The following PTK2 variants were observed in gnomAD, a reference collection of about 807,000 sequenced individuals.
PTK2 encodes the protein focal adhesion kinase 1.
Under a neutral mutation model 150.1 loss-of-function variants are expected in PTK2, and 45 were observed. The observed-to-expected ratio is 0.30, with a 90% CI of 0.24 to 0.38. The LOEUF is 0.38. Among genes scored for constraint, PTK2 ranks in the 10% least tolerant of loss-of-function variants. The pLI is 1.00. For missense variants in PTK2, 919 were observed against 1,307.3 expected (o/e 0.70, Z 4.58); for synonymous variants, 432 against 449.2 (o/e 0.96, Z 0.48).
rs1451534537 is a variant in PTK2 at position 140,702,779 on chromosome 8, A to T, written c.2230-72T>A. 7.6e-5 allele frequency: 113 copies of T among 1,490,302 alleles called. No homozygotes were observed. In the South Asian group the frequency reaches 1.3e-3, roughly 17 times the overall value. The allele number at this position is 1,490,302 out of a possible 1,614,324, so 92.3% of individuals were successfully genotyped here. ...CACAGTTCTGCTTCACACACAAAGG[A>T]AACTAAAATTACAGAGAATATTGTG... On this transcript the variant is annotated intron_variant, in intron 24 of 31. Transcript: ENST00000522684.
chr8:140,910,164 A>C (rs922056465), intron 2 of PTK2, among the ~76,000 whole-genome samples: 1 of 152,220 alleles, frequency 6.6e-6, no homozygotes, highest in East Asian at 1.9e-4. Context: ...GTCAAAAAGC[A>C]GTATTAACAT....
chr8:140,745,175 C>A (rs1290253789), intron 18 of PTK2, among the ~76,000 whole-genome samples: 1 of 152,106 alleles, frequency 6.6e-6, no homozygotes, highest in African/African-American at 2.4e-5. Context: ...TGTGGCTCTG[C>A]GAAGGTATGA....
chr8:140,828,045 T>C (rs2100112910), intron 8 of PTK2, among the ~76,000 whole-genome samples: 1 of 151,790 alleles, frequency 6.6e-6, no homozygotes, highest in Admixed American at 6.6e-5. Context: ...CAGGCACCTG[T>C]AGTCCCAGCT....
intron 1 of PTK2, among the ~76,000 whole-genome samples, chr8:140,930,473 C>T (rs1325807957): frequency 6.6e-6 from 1 of 152,100 alleles, no homozygotes; most frequent in Non-Finnish European, 1.5e-5. Context: ...ACAACTGATG[C>T]TTTTTTCCTT....
chr8:140,780,291 A>G (rs1210652849), intron 14 of PTK2, among the ~76,000 whole-genome samples: 1 of 152,186 alleles, frequency 6.6e-6, no homozygotes, highest in African/African-American at 2.4e-5. Flanking sequence ...TGCTCATGGG[A>G]ACGTTCTCAT....
intron 20 of PTK2, among the ~76,000 whole-genome samples, chr8:140,741,392 T>G (rs2154438051): frequency 6.7e-6 from 1 of 148,806 alleles, no homozygotes; most frequent in Non-Finnish European, 1.5e-5. Flanking sequence ...GAGGTGGAGC[T>G]TGCAGTGAGC....
At chr8:140,801,833 T>A (rs914739050) in intron 11 of PTK2, among the ~76,000 whole-genome samples, 1 of 152,128 alleles carries the variant, frequency 6.6e-6, no homozygotes, top group Non-Finnish European at 1.5e-5. Flanking sequence ...GGTCCGCATA[T>A]ACAATGGTGG....
intron 2 of PTK2, among the ~76,000 whole-genome samples, chr8:140,916,490 A>G (rs1208971481): frequency 1.3e-5 from 2 of 152,244 alleles, no homozygotes; most frequent in Non-Finnish European, 2.9e-5. Flanking sequence ...TATTTCCTTC[A>G]GGTCTTCAAT....
chr8:140,863,172 C>G (rs1438466112), intron 5 of PTK2, among the ~76,000 whole-genome samples: 1 of 152,152 alleles, frequency 6.6e-6, no homozygotes, highest in African/African-American at 2.4e-5. Flanking sequence ...ACATAATAAG[C>G]CTTTTTCTTC....
At chr8:140,805,487 A>G (rs1368770205) in intron 10 of PTK2, among the ~76,000 whole-genome samples, 1 of 151,490 alleles carries the variant, frequency 6.6e-6, no homozygotes, top group East Asian at 1.9e-4. Flanking sequence ...TGAACCAGGG[A>G]GTCAGAGGTT....
At chr8:140,734,387 A>G (rs1261113234) in intron 22 of PTK2, among the ~76,000 whole-genome samples, 1 of 152,176 alleles carries the variant, frequency 6.6e-6, no homozygotes, top group Non-Finnish European at 1.5e-5. Context: ...ATTCAATTCA[A>G]TTCAACAAAT....
intron 2 of PTK2, among the ~76,000 whole-genome samples, chr8:140,891,067 C>T (rs1399484368): frequency 6.6e-6 from 1 of 150,698 alleles, no homozygotes; most frequent in Non-Finnish European, 1.5e-5. Flanking sequence ...ACCCCCACCC[C>T]TTTTTTAATC....
intron 3 of PTK2, among the ~76,000 whole-genome samples, chr8:140,885,555 T>C (rs1283534098): frequency 6.6e-6 from 1 of 152,046 alleles, no homozygotes; most frequent in African/African-American, 2.4e-5. Context: ...AAAACAGCAA[T>C]GGTGAGGCAT....
intron 14 of PTK2, among the ~76,000 whole-genome samples, chr8:140,780,785 T>C (rs1432899478): frequency 6.6e-6 from 1 of 152,210 alleles, no homozygotes; most frequent in Non-Finnish European, 1.5e-5. Flanking sequence ...ACAGGTGAAA[T>C]ATGCCTTCGA....
intron 8 of PTK2, among the ~76,000 whole-genome samples, chr8:140,828,635 AT>A (rs925112708): frequency 1.3e-5 from 2 of 152,186 alleles, no homozygotes; most frequent in African/African-American, 4.8e-5. Flanking sequence ...GTACTCTTCT[AT>A]CCAACAGCAA....
chr8:140,970,125 G>T (rs1024284701), intron 1 of PTK2, among the ~76,000 whole-genome samples: 1 of 152,246 alleles, frequency 6.6e-6, no homozygotes, highest in Non-Finnish European at 1.5e-5. Context: ...CAGCAGCAGA[G>T]GCTTCAATTC....
At chr8:140,856,366 AAAAACAAAACAAAAC>A (rs74275894) in intron 5 of PTK2, among the ~76,000 whole-genome samples, 5,209 of 150,766 alleles carry the variant, frequency 0.035, 302 homozygotes, top group African/African-American at 0.12. Context: ...AATAATAGTA[AAAAACAAAACAAAAC>A]AAAACAAAAC....
intron 11 of PTK2, among the ~76,000 whole-genome samples, chr8:140,802,490 A>G (rs1283267025): frequency 1.3e-5 from 2 of 152,212 alleles, no homozygotes; most frequent in African/African-American, 4.8e-5. Context: ...CTGTAAGCTA[A>G]TGTTTACTAC....
intron 1 of PTK2, among the ~76,000 whole-genome samples, chr8:140,964,507 A>G (rs2100184521): frequency 6.8e-6 from 1 of 146,672 alleles, no homozygotes; most frequent in African/African-American, 2.5e-5. Context: ...TCTCCCAAGT[A>G]GTTGGGACCA....
Sources: allele counts gnomAD v4.1 joint callset (sites outside exome capture counted in the v4.1 genomes callset), GRCh38; gene constraint gnomAD v4.1.1; transcripts MANE v1.5; gene names NCBI Gene and HGNC (gene_info 2026-07-23, HGNC 2026-07-21).